The following CLDN14 variants were observed in gnomAD, a reference collection of about 807,000 sequenced individuals.
CLDN14 encodes claudin-14.
A neutral mutation model predicts 2.1 loss-of-function variants in CLDN14; 2 were observed. That is an observed-to-expected ratio of 0.96 (90% CI 0.39 to 3.01). The LOEUF is 3.01. Ranked by LOEUF, CLDN14 falls within the 30% of genes most tolerant of loss-of-function variation. CLDN14 has a pLI of 0.09. For missense variants in CLDN14, 298 were observed against 328.0 expected, an observed-to-expected ratio of 0.91 and a Z score of 0.71; for synonymous variants, 136 against 154.4, an observed-to-expected ratio of 0.88 and a Z score of 0.88.
intron 1 of CLDN14, among the ~76,000 whole-genome samples, chr21:36,531,415 G>A (rs1280845505): frequency 2.6e-5 from 4 of 151,616 alleles, no homozygotes. Context: ...TTACAGGCAC[G>A]CACCACCACG....
At chr21:36,482,411 CGGAT>C (rs75061949), upstream of CLDN14, among the ~76,000 whole-genome samples, 58,192 of 140,406 alleles carry the variant, frequency 0.41, 14,069 homozygotes, top group Non-Finnish European at 0.54. Flanking sequence ...GATGGATAGA[CGGAT>C]GGATGGATGG....
chr21:36,473,633 G>A (rs528497952), intron 1 of CLDN14, among the ~76,000 whole-genome samples: 1 of 152,306 alleles, frequency 6.6e-6, no homozygotes, highest in Admixed American at 6.5e-5. Context: ...TTCAGGGAGG[G>A]ACTGAACTGG....
At chr21:36,560,846 G>A (rs986120677) in intron 1 of CLDN14, among the ~76,000 whole-genome samples, 6 of 152,248 alleles carry the variant, frequency 3.9e-5, no homozygotes, top group Admixed American at 2.6e-4. Flanking sequence ...TGTATTATAA[G>A]CCTAGTCCCA....
At chr21:36,541,220 G>T (rs2087485805) in intron 1 of CLDN14, among the ~76,000 whole-genome samples, 1 of 152,188 alleles carries the variant, frequency 6.6e-6, no homozygotes, top group South Asian at 2.1e-4. Flanking sequence ...CTTTCCGTCA[G>T]TCAGTTTATC....
At chr21:36,514,662 TAG>T (rs144981492) in intron 1 of CLDN14, among the ~76,000 whole-genome samples, 19 of 131,306 alleles carry the variant, frequency 1.4e-4, no homozygotes, top group African/African-American at 6.5e-4. Context: ...TGTGTGTGTG[TAG>T]AGAGACAGGA....
chr21:36,552,979 C>T (rs35210386), intron 1 of CLDN14, among the ~76,000 whole-genome samples: 21,044 of 152,274 alleles, frequency 0.14, 1,703 homozygotes, highest in Non-Finnish European at 0.19. Flanking sequence ...CCTCCTCAAC[C>T]TCACCTCTAA....
Position 36,551,002 on chromosome 21 carries a change from C to T in CLDN14, c.-220+25409G>A, listed in dbSNP as rs1011556816. On this transcript the variant is annotated intron_variant, in intron 1 of 2. Coordinates refer to the CLDN14 transcript ENST00000342108. The surrounding 1 kb of genome is among the most constrained non-coding windows in gnomAD (Gnocchi z 4.8). ...CTTAGAAGCAGGCACCAGGGGAAGG[C>T]CACGTGAAGAGGGAGGCAGAGACTG... Among the ~76,000 whole-genome samples the T allele has an allele frequency of 6.6e-6, 1 of 152,132 alleles. No homozygotes were observed. Among genetic ancestry groups the T allele is most frequent in the African/African-American group, 2.4e-5 (1 of 41,412 alleles).
At chr21:36,559,066 T>C (rs192519033) in intron 1 of CLDN14, among the ~76,000 whole-genome samples, 2 of 152,330 alleles carry the variant, frequency 1.3e-5, no homozygotes, top group East Asian at 3.9e-4. Context: ...TTCCTTATCT[T>C]AGAAGAAAAG....
In CLDN14 at chr21:36,498,600, G is replaced by A. The variant is rs1359094416; in HGVS notation, c.-82+11763C>T. Among the ~76,000 whole-genome samples, 5 of 152,182 alleles carry A rather than the reference G, an allele frequency of 3.3e-5. No individual in the cohort carries two copies. The highest frequency in any genetic ancestry group is 7.3e-5 in the Non-Finnish European group (5 of 68,044). The stretch of plus-strand genomic sequence containing the variant: ...CTCTATAAACTGAGCACTGTTGCAG[G>A]CGATGGGGACGTGGAACTGGTAGGA... On this transcript the variant is annotated intron_variant, in intron 2 of 2. Coordinates refer to the CLDN14 transcript ENST00000342108. The surrounding 1 kb of genome is among the most constrained non-coding windows in gnomAD (Gnocchi z 4.9).
intron 1 of CLDN14, among the ~76,000 whole-genome samples, chr21:36,469,174 ATCT>A (rs1244254635): frequency 6.6e-6 from 1 of 152,242 alleles, no homozygotes; most frequent in African/African-American, 2.4e-5. Flanking sequence ...TTTTTAGCAC[ATCT>A]TCTTACAGAA....
chr21:36,546,925 T>G (rs1300019980), intron 1 of CLDN14, among the ~76,000 whole-genome samples: 2 of 152,186 alleles, frequency 1.3e-5, no homozygotes, highest in Non-Finnish European at 2.9e-5. Flanking sequence ...TCTGGAGACA[T>G]TTTTCATTGT....
rs948120007 is a variant in CLDN14 at position 36,499,376 on chromosome 21, A to G, written c.-82+10987T>C. ...GCGATTCTCCTGCCTCAGCCTCCCAAGTTTTTACTTGAAACCTGCATACAC... is the reference window on the plus strand; with the variant it reads ...GCGATTCTCCTGCCTCAGCCTCCCAGGTTTTTACTTGAAACCTGCATACAC... On this transcript the variant is annotated intron_variant, in intron 2 of 2. Coordinates refer to the CLDN14 transcript ENST00000342108. This position sits in a 1 kb window ranked among gnomAD's most constrained non-coding sequence, Gnocchi z 4.7. Among the ~76,000 whole-genome samples, 1 of 152,112 alleles carries G rather than the reference A, an allele frequency of 6.6e-6. No individual in the cohort carries two copies. The highest frequency in any genetic ancestry group is 1.5e-5 in the Non-Finnish European group (1 of 68,024).
chr21:36,464,119 G>A (rs1440462626), intron 1 of CLDN14, among the ~76,000 whole-genome samples: 2 of 152,118 alleles, frequency 1.3e-5, no homozygotes, highest in Non-Finnish European at 2.9e-5. Context: ...GTGATAGTGA[G>A]TGAGTTCTCA....
At chr21:36,486,339 C>A (rs2086895581) in intron 2 of CLDN14, 3 of 839,030 alleles carry the variant, frequency 3.6e-6, no homozygotes, top group Non-Finnish European at 6.2e-6. Flanking sequence ...CTCGTCTGAG[C>A]CTTCAGTCCC....
At chr21:36,483,677 G>C (rs1035616381), upstream of CLDN14, among the ~76,000 whole-genome samples, 1 of 152,242 alleles carries the variant, frequency 6.6e-6, no homozygotes, top group Non-Finnish European at 1.5e-5. Flanking sequence ...TGATGTAGCT[G>C]TGTGAGTTGA....
At chr21:36,496,731 AAGGG>A (rs746937873) in intron 2 of CLDN14, among the ~76,000 whole-genome samples, 159 of 4,254 alleles carry the variant, frequency 0.037, 51 homozygotes, top group Middle Eastern at 0.12. Flanking sequence ...GGGAGGGAGG[AAGGG>A]AGGGAGGAAG....
chr21:36,542,717 T>G (rs1379507569), intron 1 of CLDN14: 1 of 151,950 alleles, frequency 6.6e-6, no homozygotes, highest in African/African-American at 2.4e-5. Context: ...CCCCGAGCAG[T>G]CCCCGGAGCG....
At chr21:36,563,911 C>A (rs2087654957) in intron 1 of CLDN14, among the ~76,000 whole-genome samples, 1 of 152,172 alleles carries the variant, frequency 6.6e-6, no homozygotes, top group African/African-American at 2.4e-5. Flanking sequence ...ATTATGTTAT[C>A]AAAAAGACAG....
At chr21:36,513,358 T>C (rs1446891819) in intron 1 of CLDN14, among the ~76,000 whole-genome samples, 1 of 152,236 alleles carries the variant, frequency 6.6e-6, no homozygotes, top group Non-Finnish European at 1.5e-5. Flanking sequence ...GGAGCTATCC[T>C]GGGGACCAAG....
Sources: allele counts gnomAD v4.1 joint callset (sites outside exome capture counted in the v4.1 genomes callset), GRCh38; gene constraint gnomAD v4.1.1; non-coding constraint Gnocchi (gnomAD v3.1); transcripts MANE v1.5; gene names NCBI Gene and HGNC (gene_info 2026-07-23, HGNC 2026-07-21).